TRIM37: variants seen among roughly 807,000 people sequenced by gnomAD.
TRIM37 encodes tripartite motif containing 37.
A neutral mutation model predicts 129.8 loss-of-function variants in TRIM37; 80 were observed. That is an observed-to-expected ratio of 0.62 (90% CI 0.51 to 0.74). The LOEUF is 0.74. Among genes scored for constraint, TRIM37 ranks in the 30% least tolerant of loss-of-function variants. The probability of loss-of-function intolerance (pLI) is 0.00; values close to 1 mark genes in which losing one functional copy is unlikely to be tolerated. For missense variants in TRIM37, 1,054 were observed against 1,176.5 expected (o/e 0.90, Z 1.52); for synonymous variants, 389 against 387.1 (o/e 1.00, Z -0.06).
At position 59,106,712 on chromosome 17, in the gene TRIM37, T is replaced by C. The variant is rs2046036303; in HGVS notation, c.-251A>G. 1.7e-6 allele frequency: 1 copy of C among 578,702 alleles called. No homozygotes were observed. Among genetic ancestry groups the C allele is most frequent in the African/African-American group, 1.9e-5 (1 of 51,918 alleles). 35.8% of individuals were successfully genotyped at this position (578,702 alleles called of 1,614,324 possible). On this transcript the variant is annotated 5_prime_UTR_variant, in exon 1 of 24. Transcript: ENST00000262294. ...GGGCGAACGGTGGCCGCAGCTCCTT[T>C]CTCCCGGCTCAGCCGCCGGCCAGCA... is the stretch of plus-strand genomic sequence containing the variant.
chr17:59,011,464 C>T (rs913167807), intron 22 of TRIM37, among the ~76,000 whole-genome samples: 1 of 152,090 alleles, frequency 6.6e-6, no homozygotes, highest in African/African-American at 2.4e-5. Context: ...CTTTGAGCTA[C>T]AATTCATCAA....
At chr17:58,979,373 G>A (rs946623288), downstream of TRIM37, among the ~76,000 whole-genome samples, 2 of 152,164 alleles carry the variant, frequency 1.3e-5, no homozygotes, top group African/African-American at 4.8e-5. Context: ...GAGGCCTTGG[G>A]TCAGCCACAT....
At chr17:59,000,699 T>G (rs553936111) in intron 23 of TRIM37, among the ~76,000 whole-genome samples, 1 of 152,298 alleles carries the variant, frequency 6.6e-6, no homozygotes, top group South Asian at 2.1e-4. Flanking sequence ...ATAACTTTTT[T>G]GGGGGTAGGA....
At position 58,998,692 on chromosome 17, in the gene TRIM37, T is replaced by C. The variant is rs1439152162; in HGVS notation, c.*685A>G. ...AATTTTAAATAATCTTACACGTGTC[T>C]ACAGGGCCAGGAACGTAATGAATCC... On this transcript the variant is annotated 3_prime_UTR_variant, in exon 24 of 24. Transcript: ENST00000262294. The C allele has an allele frequency of 1.0e-6, 1 of 985,360 alleles. No homozygotes were observed. The highest frequency in any genetic ancestry group is 1.1e-4 in the East Asian group (1 of 8,832). The allele number at this position is 985,360 out of a possible 1,614,324, so 61.0% of individuals were successfully genotyped here. A position where few individuals can be genotyped will look rare whatever the true frequency, so the allele number is the denominator to read the frequency against.
chr17:59,014,259 C>T (rs1230935515), intron 21 of TRIM37, among the ~76,000 whole-genome samples: 2 of 152,094 alleles, frequency 1.3e-5, no homozygotes, highest in East Asian at 1.9e-4. Context: ...ATTAAGTAAA[C>T]TTAAAGGGTG....
intron 2 of TRIM37, among the ~76,000 whole-genome samples, chr17:59,096,624 C>T (rs2044915026): frequency 6.6e-6 from 1 of 150,628 alleles, no homozygotes; most frequent in Admixed American, 6.6e-5. Flanking sequence ...TTAATTACAG[C>T]AATTATTAAA....
At chr17:59,094,432 G>C (rs2044672091) in intron 2 of TRIM37, among the ~76,000 whole-genome samples, 1 of 152,078 alleles carries the variant, frequency 6.6e-6, no homozygotes. Flanking sequence ...ACAAGCTTTA[G>C]AAAGTATTCA....
At chr17:59,041,511 A>C (rs1231010152) in intron 17 of TRIM37, among the ~76,000 whole-genome samples, 1 of 152,210 alleles carries the variant, frequency 6.6e-6, no homozygotes, top group Non-Finnish European at 1.5e-5. Flanking sequence ...AAATTGTTAA[A>C]AGTTGGCAAG....
intron 1 of TRIM37, chr17:59,104,638 C>G: frequency 1.6e-6 from 1 of 632,168 alleles, no homozygotes; most frequent in Non-Finnish European, 2.9e-6. Flanking sequence ...CACAGACATG[C>G]AGAAAAATTT....
chr17:59,081,340 A>T, intron 5 of TRIM37, 121 bp from the exon 6 acceptor site: 1 of 1,412,470 alleles, frequency 7.1e-7, no homozygotes, highest in Non-Finnish European at 9.7e-7. Context: ...TTACCTTATT[A>T]GCTAATTTAA....
At chr17:59,095,395 T>C (rs962322643) in intron 2 of TRIM37, among the ~76,000 whole-genome samples, 17 of 152,268 alleles carry the variant, frequency 1.1e-4, no homozygotes, top group Admixed American at 6.5e-4. Flanking sequence ...GAGTCTACAC[T>C]TTGCAGGAGC....
intron 17 of TRIM37, among the ~76,000 whole-genome samples, chr17:59,035,205 G>A (rs954106979): frequency 2.6e-5 from 4 of 151,730 alleles, no homozygotes; most frequent in Non-Finnish European, 5.9e-5. Flanking sequence ...GGTTACAAGC[G>A]TGCGCCATTG....
intron 2 of TRIM37, among the ~76,000 whole-genome samples, chr17:59,093,667 C>T (rs1027488651): frequency 1.3e-5 from 2 of 152,154 alleles, no homozygotes; most frequent in African/African-American, 4.8e-5. Flanking sequence ...GTAACCAGAT[C>T]GTATTTTAAA....
At chr17:59,064,487 G>A (rs1471664891) in intron 9 of TRIM37, 82 bp from the exon 10 acceptor site, 3 of 948,892 alleles carry the variant, frequency 3.2e-6, no homozygotes, top group Non-Finnish European at 3.2e-6. Flanking sequence ...TCCCTCACTA[G>A]TATCTTAAAA....
intron 22 of TRIM37, among the ~76,000 whole-genome samples, chr17:59,009,755 C>T (rs1463746192): frequency 1.3e-5 from 2 of 152,012 alleles, no homozygotes; most frequent in African/African-American, 4.8e-5. Flanking sequence ...CCTGGCCTTC[C>T]AATTTCTAAC....
At chr17:59,072,498 C>T (rs1019929957) in intron 8 of TRIM37, among the ~76,000 whole-genome samples, 3 of 152,018 alleles carry the variant, frequency 2.0e-5, no homozygotes, top group South Asian at 2.1e-4. Context: ...GAGGCTGAGG[C>T]GGGTGGATCA....
In TRIM37 at chr17:59,051,198, ATAGATATTTTCT is replaced by A. The variant is rs768958203; in HGVS notation, c.1314+4_1314+15del. 1 of 1,515,412 alleles carries A rather than the reference ATAGATATTTTCT, an allele frequency of 6.6e-7. No homozygotes were observed. The highest frequency in any genetic ancestry group is 1.7e-5 in the Admixed American group (1 of 59,834). 93.9% of individuals were successfully genotyped at this position (1,515,412 alleles called of 1,614,324 possible). A position where few individuals can be genotyped will look rare whatever the true frequency, so the allele number is the denominator to read the frequency against. ...GACAATAGGAAACACCAAAACAGAA[ATAGATATTTTCT>A]TACCTCTTTAAGGTTGTTTATTTGT... On this transcript the variant is annotated splice_donor_5th_base_variant and intron_variant, in intron 14 of 23. Coordinates refer to ENST00000262294, the MANE Select transcript of TRIM37 (RefSeq NM_015294.6).
chr17:59,080,952 T>C (rs2147046904), intron 6 of TRIM37, 145 bp downstream of exon 6: 2 of 359,362 alleles, frequency 5.6e-6, no homozygotes, highest in South Asian at 1.1e-4. Flanking sequence ...CTGAAATTTA[T>C]GGAATTTGAC....
chr17:59,064,535 C>A, intron 9 of TRIM37, 130 bp from the exon 10 acceptor site: 1 of 657,642 alleles, frequency 1.5e-6, no homozygotes, highest in Non-Finnish European at 2.7e-6. Flanking sequence ...ATTTTTAAAT[C>A]TTTATTGAAC....
Sources: allele counts gnomAD v4.1 joint callset (sites outside exome capture counted in the v4.1 genomes callset), GRCh38; gene constraint gnomAD v4.1.1; transcripts MANE v1.5; gene names NCBI Gene and HGNC (gene_info 2026-07-23, HGNC 2026-07-21).